Variants in ANKFN1 observed in about 807,000 individuals in gnomAD.
ANKFN1 encodes ankyrin repeat and fibronectin type-III domain-containing protein 1.
In ANKFN1, 74 loss-of-function variants were observed where a neutral mutation model predicts 108.7. The observed-to-expected ratio is 0.68, with a 90% CI of 0.56 to 0.83. ANKFN1 has a LOEUF of 0.83. Ranked by LOEUF, ANKFN1 falls within the 40% of genes least tolerant of loss-of-function variation. ANKFN1 has a pLI of 0.00. For missense variants in ANKFN1, 1,505 were observed against 1,382.3 expected, an observed-to-expected ratio of 1.09 and a Z score of -1.41; for synonymous variants, 547 against 516.2, an observed-to-expected ratio of 1.06 and a Z score of -0.81.
At position 56,457,268 on chromosome 17, in the gene ANKFN1, T is replaced by C. The variant is rs147516817; in HGVS notation, c.1319T>C (p.Ile440Thr). The stretch of plus-strand genomic sequence containing the variant: ...CTTTTTCTTTTTAGGGGACTCTACA[T>C]AGCCGTTATATTTTATTACAAAGAC... ...FVKTLKRGLY[I>T]AVIFYYKDNI... is the part of the protein sequence containing the mutation. Residue 440 changes from isoleucine to threonine, a missense_variant, in exon 13 of 21, where the codon ATA (isoleucine) becomes ACA (threonine). Physicochemically the swap from Ile to Thr is moderately conservative, Grantham distance 89. Coordinates refer to ENST00000682825, the MANE Select transcript of ANKFN1 (RefSeq NM_001370326.1). 1,167 of 1,588,234 alleles carry C rather than the reference T, an allele frequency of 7.3e-4. 8 individuals carry two copies. Among genetic ancestry groups the C allele is most frequent in the South Asian group, 6.5e-3 (563 of 86,352 alleles).
intron 3 of ANKFN1, among the ~76,000 whole-genome samples, chr17:56,319,474 C>T (rs12944196): frequency 0.14 from 21,759 of 152,158 alleles, 2,093 homozygotes; most frequent in East Asian, 0.41. Flanking sequence ...CCCAGAGGAA[C>T]GGCCAAAATG....
chr17:56,052,602 G>T (rs1347672989), intron 4 of ANKFN1, among the ~76,000 whole-genome samples: 1 of 152,200 alleles, frequency 6.6e-6, no homozygotes, highest in Non-Finnish European at 1.5e-5. Flanking sequence ...AGGAGGGCAA[G>T]TGTGGTTTCT....
intron 3 of ANKFN1, among the ~76,000 whole-genome samples, chr17:56,235,695 T>C (rs937382872): frequency 9.8e-5 from 15 of 152,298 alleles, no homozygotes; most frequent in African/African-American, 3.6e-4. Flanking sequence ...GGCTCCTTAT[T>C]CTGTTCCATT....
At chr17:56,320,968 GAGACCGTTACTTTT>G (rs1042824461) in intron 3 of ANKFN1, among the ~76,000 whole-genome samples, 1 of 151,334 alleles carries the variant, frequency 6.6e-6, no homozygotes, top group Admixed American at 6.6e-5. Flanking sequence ...AGGATATTTT[GAGACCGTTACTTTT>G]AGTCTGAAAG....
chr17:56,166,186 C>A (rs1350810289), intron 1 of ANKFN1, among the ~76,000 whole-genome samples: 3 of 152,118 alleles, frequency 2.0e-5, no homozygotes, highest in African/African-American at 7.2e-5. Flanking sequence ...ACCATGTGAC[C>A]TTGGAAGAGC....
At chr17:56,254,895 AC>A (rs975365025) in intron 3 of ANKFN1, among the ~76,000 whole-genome samples, 1 of 152,024 alleles carries the variant, frequency 6.6e-6, no homozygotes, top group Non-Finnish European at 1.5e-5. Context: ...ATATATGGCA[AC>A]CCCCAGACAC....
intron 4 of ANKFN1, among the ~76,000 whole-genome samples, chr17:56,048,603 G>C (rs1231154775): frequency 6.6e-6 from 1 of 152,124 alleles, no homozygotes; most frequent in Non-Finnish European, 1.5e-5. Flanking sequence ...CAGCTTCCCA[G>C]GTGCCTTCAC....
At chr17:56,122,904 A>C (rs1477323485) in intron 4 of ANKFN1, among the ~76,000 whole-genome samples, 2 of 152,212 alleles carry the variant, frequency 1.3e-5, no homozygotes, top group Non-Finnish European at 2.9e-5. Context: ...GGTGGAGCTC[A>C]CCAGAACTCT....
At chr17:56,146,836 C>T (rs1367606822) in intron 4 of ANKFN1, among the ~76,000 whole-genome samples, 2 of 152,228 alleles carry the variant, frequency 1.3e-5, no homozygotes, top group African/African-American at 4.8e-5. Flanking sequence ...CTTTCAGCTC[C>T]TTGTTAGTTA....
At chr17:56,264,455 A>G (rs2043597991) in intron 3 of ANKFN1, among the ~76,000 whole-genome samples, 1 of 152,220 alleles carries the variant, frequency 6.6e-6, no homozygotes, top group Non-Finnish European at 1.5e-5. Context: ...CTGGTTTTCA[A>G]GAGCTCATTA....
chr17:56,366,073 G>C (rs1321284786), intron 6 of ANKFN1, among the ~76,000 whole-genome samples: 1 of 152,170 alleles, frequency 6.6e-6, no homozygotes, highest in Non-Finnish European at 1.5e-5. Flanking sequence ...TGTTGAGGTG[G>C]AAGATGATGA....
intron 3 of ANKFN1, among the ~76,000 whole-genome samples, chr17:56,264,824 G>A (rs1052279734): frequency 6.6e-6 from 1 of 152,086 alleles, no homozygotes; most frequent in Admixed American, 6.6e-5. Flanking sequence ...ATGATTCGTA[G>A]TCCATCTTAT....
chr17:56,140,723 C>T (rs565428067), intron 4 of ANKFN1, among the ~76,000 whole-genome samples: 23 of 152,084 alleles, frequency 1.5e-4, no homozygotes, highest in Non-Finnish European at 2.5e-4. Context: ...GGTTAGAGCA[C>T]TCAGAACTGG....
chr17:56,125,741 A>G (rs1401813996), intron 4 of ANKFN1, among the ~76,000 whole-genome samples: 1 of 152,218 alleles, frequency 6.6e-6, no homozygotes, highest in East Asian at 1.9e-4. Context: ...CTGGAACTCC[A>G]CAGCACACAC....
At chr17:56,423,546 G>A (rs2145069580) in intron 8 of ANKFN1, among the ~76,000 whole-genome samples, 1 of 152,214 alleles carries the variant, frequency 6.6e-6, no homozygotes. Context: ...CTATCCCTCA[G>A]CCCCTACGTC....
intron 3 of ANKFN1, among the ~76,000 whole-genome samples, chr17:56,237,317 A>G (rs1917227357): frequency 6.6e-6 from 1 of 152,136 alleles, no homozygotes; most frequent in Non-Finnish European, 1.5e-5. Flanking sequence ...AATTTTTGGA[A>G]CAGTTTCAGT....
intron 3 of ANKFN1, among the ~76,000 whole-genome samples, chr17:56,301,860 C>T (rs1161157810): frequency 1.3e-5 from 2 of 152,198 alleles, no homozygotes; most frequent in Non-Finnish European, 2.9e-5. Flanking sequence ...AGTAGCCAGT[C>T]TTAGAAATTC....
chr17:56,466,142 C>T (rs1427527014), intron 14 of ANKFN1, among the ~76,000 whole-genome samples: 2 of 151,918 alleles, frequency 1.3e-5, no homozygotes, highest in Non-Finnish European at 2.9e-5. Flanking sequence ...TCTTTGCAGG[C>T]TCTGCAATCT....
At chr17:56,317,714 A>G (rs1157028001) in intron 3 of ANKFN1, among the ~76,000 whole-genome samples, 1 of 152,188 alleles carries the variant, frequency 6.6e-6, no homozygotes, top group Non-Finnish European at 1.5e-5. Flanking sequence ...CAATATGACA[A>G]CAATTTCCTT....
Sources: allele counts gnomAD v4.1 joint callset (sites outside exome capture counted in the v4.1 genomes callset), GRCh38; gene constraint gnomAD v4.1.1; transcripts MANE v1.5; gene names NCBI Gene and HGNC (gene_info 2026-07-23, HGNC 2026-07-21).